Variants in DACH2 observed in about 807,000 individuals in gnomAD.
DACH2 encodes dachshund homolog 2.
A neutral mutation model predicts 35.8 loss-of-function variants in DACH2; 17 were observed. That is an observed-to-expected ratio of 0.48 (90% CI 0.33 to 0.71). The LOEUF (loss-of-function observed/expected upper bound fraction) is 0.71, where lower values mean the gene tolerates loss of function less well. Ranked by LOEUF, DACH2 falls within the 30% of genes least tolerant of loss-of-function variation. The probability of loss-of-function intolerance (pLI) is 0.02; values close to 1 mark genes in which losing one functional copy is unlikely to be tolerated. For synonymous variants in DACH2, 195 were observed against 177.3 expected, an observed-to-expected ratio of 1.10 and a Z score of -0.79; for missense variants, 469 against 472.7, an observed-to-expected ratio of 0.99 and a Z score of 0.07.
rs887320796 is a variant in DACH2, at chrX:86,635,921, G to T, written c.641-15115G>T. Among the ~76,000 whole-genome samples the T allele has an allele frequency of 7.2e-5, 8 of 111,765 alleles. 1 individual carries two copies. Among genetic ancestry groups the T allele is most frequent in the African/African-American group, 2.6e-4 (8 of 30,741 alleles). ...GAAAAACATCCCATACTCATGGATA[G>T]AAATAAATAATATTTTTAAAATGGT... On this transcript the variant is annotated intron_variant, in intron 3 of 11. Coordinates refer to ENST00000373125, the MANE Select transcript of DACH2 (RefSeq NM_053281.3).
At chrX:86,303,322 C>G (rs2034611828) in intron 1 of DACH2, among the ~76,000 whole-genome samples, 1 of 109,453 alleles carries the variant, frequency 9.1e-6, no homozygotes, top group Non-Finnish European at 1.9e-5. Context: ...ACTCTGAAAG[C>G]AGACATTCTT....
chrX:86,611,636 T>A (rs781520201), intron 3 of DACH2, among the ~76,000 whole-genome samples: 1 of 111,044 alleles, frequency 9.0e-6, no homozygotes, highest in South Asian at 3.9e-4. Flanking sequence ...TGGTCTAAAT[T>A]CTCCCTCTGT....
chrX:86,553,132 G>A (rs1276717942), intron 3 of DACH2, among the ~76,000 whole-genome samples: 14 of 111,025 alleles, frequency 1.3e-4, no homozygotes, highest in Admixed American at 9.6e-4. Context: ...AAGCCAGCCC[G>A]CATCCCAAAA....
At chrX:86,200,006 A>G (rs2032105519) in intron 1 of DACH2, among the ~76,000 whole-genome samples, 1 of 112,031 alleles carries the variant, frequency 8.9e-6, no homozygotes, top group African/African-American at 3.2e-5. Flanking sequence ...TAAGCAAGTG[A>G]ACAAAGCTGG....
chrX:86,269,279 A>G (rs2033771459), intron 1 of DACH2, among the ~76,000 whole-genome samples: 1 of 111,951 alleles, frequency 8.9e-6, no homozygotes, highest in Non-Finnish European at 1.9e-5. Context: ...TTCATTTAGC[A>G]TAGTGACCTC....
In DACH2 at chrX:86,720,826, G is replaced by T. The variant is rs186275502; in HGVS notation, c.1104+6106G>T. 3.5e-5 allele frequency among the ~76,000 whole-genome samples: 4 copies of T among 112,715 alleles called. No individual in the cohort carries two copies. In the East Asian group the frequency reaches 1.1e-3, roughly 32 times the overall value. On this transcript the variant is annotated intron_variant, in intron 6 of 11. Transcript: ENST00000373125. ...CTAGCAGAAGTTCTCCTTTTGGGCT[G>T]TGTCCCTGCAGCAAACTTCTGCTGG...
intron 2 of DACH2, among the ~76,000 whole-genome samples, chrX:86,460,214 GA>G (rs899192607): frequency 1.8e-5 from 2 of 110,272 alleles, no homozygotes; most frequent in Admixed American, 9.8e-5. Flanking sequence ...AAATATTTTG[GA>G]AAAAATGTGG....
At chrX:86,484,013 G>T (rs944208903) in intron 2 of DACH2, among the ~76,000 whole-genome samples, 5 of 111,198 alleles carry the variant, frequency 4.5e-5, no homozygotes, top group African/African-American at 1.6e-4. Flanking sequence ...ACAGTTATAT[G>T]TATATTTTTT....
chrX:86,178,370 G>A (rs908113643), intron 1 of DACH2, among the ~76,000 whole-genome samples: 3 of 110,969 alleles, frequency 2.7e-5, no homozygotes, highest in Admixed American at 9.6e-5. Context: ...TTCTCTCTCC[G>A]AAAACTAGCT....
intron 7 of DACH2, among the ~76,000 whole-genome samples, chrX:86,789,597 G>C (rs988733771): frequency 1.8e-5 from 2 of 111,562 alleles, no homozygotes; most frequent in Non-Finnish European, 3.8e-5. Flanking sequence ...TTATTCAAAA[G>C]GTGTGAAAAG....
intron 1 of DACH2, among the ~76,000 whole-genome samples, chrX:86,222,921 C>A (rs1201428734): frequency 1.8e-5 from 2 of 110,748 alleles, no homozygotes; most frequent in African/African-American, 6.6e-5. Flanking sequence ...AAATGACAAA[C>A]AGAGGAAGAA....
intron 4 of DACH2, among the ~76,000 whole-genome samples, chrX:86,667,517 G>GA (rs1331189899): frequency 1.8e-5 from 1 of 54,280 alleles, no homozygotes; most frequent in African/African-American, 9.1e-5. Flanking sequence ...AAGAAAGAAA[G>GA]AAAGAAAGAA....
At position 86,215,419 on chromosome X, in the gene DACH2, C is replaced by T. The variant is rs1032432380; in HGVS notation, c.488+66311C>T. 3.6e-5 allele frequency among the ~76,000 whole-genome samples: 4 copies of T among 111,685 alleles called. No homozygotes were observed. The Admixed American group carries it at 3.8e-4, about 11-fold the overall frequency. On this transcript the variant is annotated intron_variant, in intron 1 of 11. Transcript: ENST00000373125. Reference sequence around the variant, plus strand: ...TCATTTTCCAGTGTTTTAGCCATAGCTCGTCATATATAAGCTATGAGTTTA... The same window carrying T: ...TCATTTTCCAGTGTTTTAGCCATAGTTCGTCATATATAAGCTATGAGTTTA...
At chrX:86,655,466 A>G (rs2040528414) in intron 4 of DACH2, among the ~76,000 whole-genome samples, 1 of 112,031 alleles carries the variant, frequency 8.9e-6, no homozygotes, top group South Asian at 3.7e-4. Context: ...TGTATATTTG[A>G]AGTGACTAGC....
chrX:86,267,784 T>G, intron 1 of DACH2, among the ~76,000 whole-genome samples: 1 of 112,398 alleles, frequency 8.9e-6, no homozygotes, highest in Admixed American at 9.5e-5. Flanking sequence ...TTAAAATCAT[T>G]CCTGGCTTAG....
intron 2 of DACH2, among the ~76,000 whole-genome samples, chrX:86,394,594 G>C (rs1212379417): frequency 3.6e-5 from 4 of 111,481 alleles, no homozygotes; most frequent in Non-Finnish European, 7.5e-5. Context: ...AAGATCTTTT[G>C]CTTATAAGCT....
intron 7 of DACH2, among the ~76,000 whole-genome samples, chrX:86,752,293 A>C (rs2041782307): frequency 9.0e-6 from 1 of 111,642 alleles, no homozygotes; most frequent in African/African-American, 3.3e-5. Flanking sequence ...ATGAAACCAC[A>C]CTAGCAGGTG....
chrX:86,250,864 C>A (rs904217621), intron 1 of DACH2, among the ~76,000 whole-genome samples: 3 of 111,204 alleles, frequency 2.7e-5, no homozygotes, highest in Non-Finnish European at 5.7e-5. Context: ...GTAAGTGGAG[C>A]ATTAACAACT....
intron 1 of DACH2, among the ~76,000 whole-genome samples, chrX:86,199,846 A>G (rs2032099322): frequency 8.9e-6 from 1 of 112,260 alleles, no homozygotes; most frequent in African/African-American, 3.2e-5. Context: ...GGAAGAATTA[A>G]TATCATTACA....
Sources: gnomAD v4.1 joint callset for allele counts (sites outside exome capture counted in the v4.1 genomes callset) on GRCh38, gnomAD v4.1.1 for gene constraint, MANE v1.5 for transcripts, NCBI Gene and HGNC (gene_info 2026-07-23, HGNC 2026-07-21) for gene names.